Variants in DOCK4 observed in about 807,000 individuals in gnomAD.
DOCK4 encodes the protein dedicator of cytokinesis 4.
DOCK4 carries 97 observed loss-of-function variants against 268.1 expected under a neutral mutation model. The observed-to-expected ratio is 0.36, with a 90% CI of 0.31 to 0.43. The LOEUF is 0.43. Among genes scored for constraint, DOCK4 ranks in the 20% least tolerant of loss-of-function variants. The pLI is 1.00. For synonymous variants in DOCK4, 954 were observed against 887.2 expected, an observed-to-expected ratio of 1.08 and a Z score of -1.34; for missense variants, 2,145 against 2,455.7, an observed-to-expected ratio of 0.87 and a Z score of 2.67.
intron 28 of DOCK4, among the ~76,000 whole-genome samples, chr7:111,811,415 C>G (rs550441375): frequency 6.6e-6 from 1 of 152,174 alleles, no homozygotes; most frequent in Non-Finnish European, 1.5e-5. Context: ...GGCACCCAGG[C>G]ATATCACATT....
At chr7:111,747,236 T>G (rs760379219) in intron 43 of DOCK4, 31 bp downstream of exon 43, 14 of 1,590,074 alleles carry the variant, frequency 8.8e-6, no homozygotes, top group Non-Finnish European at 1.2e-5. Context: ...AATTGAAAAC[T>G]TTCTCTGAAA....
At chr7:111,884,278 G>A (rs899034475) in intron 16 of DOCK4, among the ~76,000 whole-genome samples, 2 of 152,172 alleles carry the variant, frequency 1.3e-5, no homozygotes, top group African/African-American at 4.8e-5. Context: ...GCACTGCTCT[G>A]CACTGCGTGT....
At chr7:111,879,997 T>C (rs1807249202) in intron 16 of DOCK4, among the ~76,000 whole-genome samples, 1 of 152,150 alleles carries the variant, frequency 6.6e-6, no homozygotes, top group Admixed American at 6.5e-5. Context: ...GAGAAAGAGA[T>C]AGTGCTAGAA....
In DOCK4 at chr7:111,895,518, A is replaced by T. The variant is rs1808672289; in HGVS notation, c.1587+94T>A. ...GCAATCTTACAAGAATATTCATTTC[A>T]GTCATTTTTTTCTCTTTTCAAAATG... On this transcript the variant is annotated intron_variant, in intron 16 of 52. Coordinates refer to ENST00000428084, the MANE Select transcript of DOCK4 (RefSeq NM_001363540.2). 3.8e-6 allele frequency: 4 copies of T among 1,041,366 alleles called. No individual in the cohort carries two copies. The East Asian group carries it at 9.5e-5, about 25-fold the overall frequency. 64.5% of individuals were successfully genotyped at this position (1,041,366 alleles called of 1,614,324 possible). A position where few individuals can be genotyped will look rare whatever the true frequency, so the allele number is the denominator to read the frequency against.
chr7:111,766,982 A>T, intron 38 of DOCK4, 50 bp downstream of exon 38: 1 of 1,419,984 alleles, frequency 7.0e-7, no homozygotes, highest in Non-Finnish European at 9.9e-7. Flanking sequence ...CTGGAAAGCT[A>T]ATCACAAAGG....
intron 1 of DOCK4, among the ~76,000 whole-genome samples, chr7:112,127,539 A>G (rs898933294): frequency 3.4e-5 from 5 of 147,038 alleles, no homozygotes; most frequent in Non-Finnish European, 7.5e-5. Flanking sequence ...GTGCACATGT[A>G]CCCTAAAACT....
chr7:112,191,830 C>G (rs1402274100), intron 1 of DOCK4, among the ~76,000 whole-genome samples: 1 of 151,908 alleles, frequency 6.6e-6, no homozygotes, highest in African/African-American at 2.4e-5. Context: ...ACAGGCCCAG[C>G]CCTTGGTAAG....
chr7:112,095,077 C>CT (rs1175534302), intron 1 of DOCK4, among the ~76,000 whole-genome samples: 3 of 152,006 alleles, frequency 2.0e-5, no homozygotes, highest in Non-Finnish European at 4.4e-5. Context: ...TTATTGTGAA[C>CT]TTTTGTACAG....
At chr7:111,784,201 C>T in intron 32 of DOCK4, 78 bp from the exon 33 acceptor site, 1 of 1,439,802 alleles carries the variant, frequency 6.9e-7, no homozygotes, top group Non-Finnish European at 9.4e-7. Flanking sequence ...TGCATATAAT[C>T]ATATTTTCAA....
chr7:111,842,516 C>G (rs1312270307), intron 25 of DOCK4, among the ~76,000 whole-genome samples: 1 of 152,208 alleles, frequency 6.6e-6, no homozygotes, highest in Non-Finnish European at 1.5e-5. Context: ...TAGACTTCCA[C>G]CCTCATGAGG....
intron 1 of DOCK4, among the ~76,000 whole-genome samples, chr7:112,066,706 T>C (rs12538212): frequency 7.0e-4 from 41 of 58,804 alleles, no homozygotes; most frequent in South Asian, 3.0e-3. Flanking sequence ...TATATATATA[T>C]ATATATATAT....
chr7:111,839,219 T>C (rs561251048), intron 25 of DOCK4, among the ~76,000 whole-genome samples: 1 of 152,344 alleles, frequency 6.6e-6, no homozygotes, highest in Admixed American at 6.5e-5. Context: ...TCAGTAAGTA[T>C]ACTTGAATTC....
chr7:112,066,649 T>A (rs1806996428), intron 1 of DOCK4, among the ~76,000 whole-genome samples: 1 of 132,392 alleles, frequency 7.6e-6, no homozygotes, highest in Non-Finnish European at 1.6e-5. Context: ...CATATACATA[T>A]ATACACATAT....
chr7:112,062,773 G>A lies in DOCK4; in HGVS notation c.38-58642C>T, dbSNP rs181028366. ...CGGCTCACTGCAACCTCCACCTCCCGGGTTCAAGCGATTCTCCTGCCTCAG... is the reference window on the plus strand; with the variant it reads ...CGGCTCACTGCAACCTCCACCTCCCAGGTTCAAGCGATTCTCCTGCCTCAG... On this transcript the variant is annotated intron_variant, in intron 1 of 52. Coordinates refer to ENST00000428084, the MANE Select transcript of DOCK4 (RefSeq NM_001363540.2). Among the ~76,000 whole-genome samples the A allele has an allele frequency of 4.5e-3, 681 of 152,240 alleles. 6 individuals are homozygous for A. The highest frequency in any genetic ancestry group is 0.015 in the African/African-American group (617 of 41,542).
intron 8 of DOCK4, among the ~76,000 whole-genome samples, chr7:111,956,351 T>C (rs866470148): frequency 2.0e-5 from 3 of 152,176 alleles, no homozygotes; most frequent in African/African-American, 4.8e-5. Flanking sequence ...TAAAAATCCA[T>C]GTCATTCAAG....
intron 6 of DOCK4, among the ~76,000 whole-genome samples, chr7:111,988,524 A>G (rs1295883157): frequency 6.6e-6 from 1 of 152,190 alleles, no homozygotes; most frequent in Non-Finnish European, 1.5e-5. Context: ...GCTAATGTGT[A>G]TGTACAGGAC....
intron 4 of DOCK4, among the ~76,000 whole-genome samples, chr7:111,995,164 T>C (rs1383988824): frequency 6.6e-6 from 1 of 151,864 alleles, no homozygotes; most frequent in East Asian, 1.9e-4. Flanking sequence ...CCCGAGTAGC[T>C]GGGACTACAG....
At chr7:111,904,095 G>A (rs1202104640) in intron 13 of DOCK4, among the ~76,000 whole-genome samples, 1 of 152,238 alleles carries the variant, frequency 6.6e-6, no homozygotes. Flanking sequence ...GCAAAGGCAA[G>A]AGGTGATAAG....
intron 12 of DOCK4, among the ~76,000 whole-genome samples, chr7:111,919,039 G>C (rs901730688): frequency 6.6e-6 from 1 of 151,980 alleles, no homozygotes. Context: ...GTTGGAGAGA[G>C]AAAAACTGAT....
Sources: allele counts gnomAD v4.1 joint callset (sites outside exome capture counted in the v4.1 genomes callset), GRCh38; gene constraint gnomAD v4.1.1; transcripts MANE v1.5; gene names NCBI Gene and HGNC (gene_info 2026-07-23, HGNC 2026-07-21).